KAZN: variants seen among roughly 807,000 people sequenced by gnomAD.
KAZN encodes kazrin, periplakin interacting protein.
KAZN carries 40 observed loss-of-function variants against 87.4 expected under a neutral mutation model. The observed-to-expected ratio is 0.46, with a 90% CI of 0.36 to 0.60. KAZN has a LOEUF of 0.60. Among genes scored for constraint, KAZN ranks in the 20% least tolerant of loss-of-function variants. The pLI, the probability that KAZN is intolerant of heterozygous loss-of-function variation, is 0.00. For synonymous variants in KAZN, 466 were observed against 458.3 expected, an observed-to-expected ratio of 1.02 and a Z score of -0.22; for missense variants, 898 against 1,073.9, an observed-to-expected ratio of 0.84 and a Z score of 2.29.
intron 1 of KAZN, among the ~76,000 whole-genome samples, chr1:14,153,631 G>C (rs1301063401): frequency 6.6e-6 from 1 of 151,916 alleles, no homozygotes; most frequent in African/African-American, 2.4e-5. Flanking sequence ...AAAAAAATTA[G>C]CCAGGCATGG....
At chr1:13,892,843 G>GCC (rs544964628) in exon 1 of KAZN, 1 of 152,332 alleles carries the variant, frequency 6.6e-6, no homozygotes, top group Non-Finnish European at 1.5e-5. Flanking sequence ...CCCAGGAACT[G>GCC]CCCCCTTTGC....
At chr1:14,829,443 G>A (rs1379145605) in intron 1 of KAZN, among the ~76,000 whole-genome samples, 1 of 152,200 alleles carries the variant, frequency 6.6e-6, no homozygotes, top group Non-Finnish European at 1.5e-5. Context: ...GATGGCACAT[G>A]CCTATAATCC....
intron 1 of KAZN, among the ~76,000 whole-genome samples, chr1:14,020,245 TCTC>T (rs1005746237): frequency 3.2e-4 from 49 of 152,260 alleles, no homozygotes; most frequent in African/African-American, 1.0e-3. Flanking sequence ...CTTGCTCACA[TCTC>T]CTGCTGTGTG....
intron 4 of KAZN, among the ~76,000 whole-genome samples, chr1:15,049,810 AG>A (rs1162038636): frequency 6.6e-6 from 1 of 152,092 alleles, no homozygotes; most frequent in Non-Finnish European, 1.5e-5. Flanking sequence ...GGATCACCTG[AG>A]GTCAGGAGTT....
At chr1:13,915,336 A>G (rs1475436690) in intron 1 of KAZN, among the ~76,000 whole-genome samples, 1 of 152,226 alleles carries the variant, frequency 6.6e-6, no homozygotes, top group Admixed American at 6.5e-5. Flanking sequence ...AAGAAGAAAA[A>G]AATGCACTTT....
chr1:14,770,210 G>T (rs988019645), intron 1 of KAZN, among the ~76,000 whole-genome samples: 1 of 152,202 alleles, frequency 6.6e-6, no homozygotes, highest in African/African-American at 2.4e-5. Flanking sequence ...TTTTAAACAG[G>T]CATGGTGCCT....
intron 1 of KAZN, among the ~76,000 whole-genome samples, chr1:14,626,437 T>C (rs1214750101): frequency 6.6e-6 from 1 of 152,194 alleles, no homozygotes; most frequent in Non-Finnish European, 1.5e-5. Flanking sequence ...CCCATTGTGT[T>C]GTTTGGTGTA....
chr1:14,925,044 G>C (rs1278737308), intron 1 of KAZN, among the ~76,000 whole-genome samples: 1 of 152,246 alleles, frequency 6.6e-6, no homozygotes, highest in African/African-American at 2.4e-5. Flanking sequence ...CGGAGAGATT[G>C]CTGCGTTTCT....
chr1:14,241,412 C>A (rs1461055823), intron 2 of KAZN, among the ~76,000 whole-genome samples: 1 of 152,218 alleles, frequency 6.6e-6, no homozygotes, highest in Non-Finnish European at 1.5e-5. Context: ...AGTCTCCTCT[C>A]TCTCTCTCCT....
chr1:14,893,210 G>A (rs1165624405), intron 1 of KAZN, among the ~76,000 whole-genome samples: 1 of 152,080 alleles, frequency 6.6e-6, no homozygotes, highest in African/African-American at 2.4e-5. Context: ...TACTAAAAAT[G>A]CGAAATGTAG....
At chr1:14,590,555 G>A (rs909426911) in intron 2 of KAZN, among the ~76,000 whole-genome samples, 1 of 152,198 alleles carries the variant, frequency 6.6e-6, no homozygotes, top group Non-Finnish European at 1.5e-5. Flanking sequence ...CTGAGCCTGA[G>A]TGTTTTACTC....
chr1:15,039,923 T>A (rs955885093), intron 3 of KAZN, among the ~76,000 whole-genome samples: 2 of 152,218 alleles, frequency 1.3e-5, no homozygotes, highest in Non-Finnish European at 2.9e-5. Flanking sequence ...ATAATGCCCT[T>A]CAGATTCATT....
At position 15,099,191 on chromosome 1, in the gene KAZN, G is replaced by A. The variant is rs571944621; in HGVS notation, c.1548-2352G>A. 6.6e-6 allele frequency among the ~76,000 whole-genome samples: 1 copy of A among 152,300 alleles called. No individual in the cohort carries two copies. On this transcript the variant is annotated intron_variant, in intron 10 of 14. Coordinates refer to ENST00000376030, the MANE Select transcript of KAZN (RefSeq NM_201628.3). This position sits in a 1 kb window ranked among gnomAD's most constrained non-coding sequence, Gnocchi z 5.4. ...TGGTTCTGGGAGGCTGATGGGCAGA[G>A]GGAAGGAGAGTGAAGCCAAGCTGCA...
At chr1:14,101,650 AC>A (rs1644250917) in intron 1 of KAZN, among the ~76,000 whole-genome samples, 1 of 152,188 alleles carries the variant, frequency 6.6e-6, no homozygotes, top group African/African-American at 2.4e-5. Context: ...ATATTGTTTA[AC>A]TGGAAAATTT....
At chr1:14,434,660 G>C (rs1666277001) in intron 2 of KAZN, among the ~76,000 whole-genome samples, 1 of 152,200 alleles carries the variant, frequency 6.6e-6, no homozygotes, top group Non-Finnish European at 1.5e-5. Context: ...ATGGAGAAGA[G>C]TTTTTAGGAT....
intron 13 of KAZN, among the ~76,000 whole-genome samples, chr1:15,107,530 T>A (rs552970770): frequency 1.3e-5 from 2 of 152,298 alleles, no homozygotes; most frequent in Non-Finnish European, 2.9e-5. Context: ...ACTTAACCTC[T>A]CTGAACTGTA....
At chr1:14,293,701 C>T (rs934293339) in intron 2 of KAZN, among the ~76,000 whole-genome samples, 1 of 151,982 alleles carries the variant, frequency 6.6e-6, no homozygotes, top group Non-Finnish European at 1.5e-5. Flanking sequence ...CCAGATTAAA[C>T]CATTGACTAG....
intron 1 of KAZN, among the ~76,000 whole-genome samples, chr1:14,657,310 C>T (rs1007354566): frequency 1.3e-5 from 2 of 151,990 alleles, no homozygotes; most frequent in Admixed American, 6.6e-5. Context: ...CTCGAACTCC[C>T]GACCTCAGGT....
At chr1:14,594,448 G>A (rs1317658512), upstream of KAZN, among the ~76,000 whole-genome samples, 10 of 152,182 alleles carry the variant, frequency 6.6e-5, no homozygotes, top group Non-Finnish European at 1.5e-4. Flanking sequence ...GACAATGTAC[G>A]TAGAGGCTGG....
Sources: allele counts gnomAD v4.1 joint callset (sites outside exome capture counted in the v4.1 genomes callset), GRCh38; gene constraint gnomAD v4.1.1; non-coding constraint Gnocchi (gnomAD v3.1); transcripts MANE v1.5; gene names NCBI Gene and HGNC (gene_info 2026-07-23, HGNC 2026-07-21).